NUP210L: variants seen among roughly 807,000 people sequenced by gnomAD.
NUP210L encodes the protein nuclear pore membrane glycoprotein 210-like.
NUP210L carries 74 observed loss-of-function variants against 208.5 expected under a neutral mutation model. That is an observed-to-expected ratio of 0.35 (90% CI 0.29 to 0.43). NUP210L has a LOEUF of 0.43. Among genes scored for constraint, NUP210L ranks in the 20% least tolerant of loss-of-function variants. NUP210L has a pLI of 1.00. For missense variants in NUP210L, 1,843 were observed against 2,289.4 expected (o/e 0.81, Z 3.98); for synonymous variants, 780 against 816.9 (o/e 0.95, Z 0.77).
At chr1:154,053,215 C>T (rs1653623345) in intron 25 of NUP210L, among the ~76,000 whole-genome samples, 1 of 152,214 alleles carries the variant, frequency 6.6e-6, no homozygotes, top group African/African-American at 2.4e-5. Context: ...CTTGAAGGAG[C>T]TGCAGACAGA....
At chr1:154,140,743 G>A (rs1230351714) in intron 4 of NUP210L, among the ~76,000 whole-genome samples, 1 of 151,398 alleles carries the variant, frequency 6.6e-6, no homozygotes. Context: ...AGCACTTTGG[G>A]AGGCCAAAGT....
chr1:154,077,164 C>A (rs1195736209), intron 16 of NUP210L, among the ~76,000 whole-genome samples: 1 of 151,952 alleles, frequency 6.6e-6, no homozygotes, highest in Non-Finnish European at 1.5e-5. Flanking sequence ...TGCCTGAGCT[C>A]AGGAGTTTGA....
chr1:154,030,911 T>C (rs531869983), intron 27 of NUP210L, among the ~76,000 whole-genome samples: 1 of 151,786 alleles, frequency 6.6e-6, no homozygotes, highest in Non-Finnish European at 1.5e-5. Flanking sequence ...CCAGCTAATT[T>C]AAAAAAAATT....
chr1:154,132,125 T>C (rs766178316), intron 7 of NUP210L, among the ~76,000 whole-genome samples: 1 of 152,176 alleles, frequency 6.6e-6, no homozygotes, highest in Non-Finnish European at 1.5e-5. Flanking sequence ...TCTATAATAC[T>C]ACATTTTAAG....
rs5777888 is a variant in NUP210L at position 154,114,761 on chromosome 1, A to AT, written c.1620+2963dup. Among the ~76,000 whole-genome samples, 449 of 126,492 alleles carry AT rather than the reference A, an allele frequency of 3.5e-3. 14 individuals are homozygous for AT. The East Asian group carries it at 0.076, about 21-fold the overall frequency. The allele number at this position is 126,492 out of a possible 152,430, so 83.0% of individuals were successfully genotyped here. ...AGGCATGTGCCACTATGCCTGGTTAATTTTTTTTTTAAGAGATGGGGGGGG... is the reference window on the plus strand; with the variant it reads ...AGGCATGTGCCACTATGCCTGGTTAATTTTTTTTTTTAAGAGATGGGGGGGG... On this transcript the variant is annotated intron_variant, in intron 12 of 39. Coordinates refer to ENST00000368559, the Ensembl canonical transcript of NUP210L.
At chr1:154,096,160 G>A (rs1452512523) in intron 14 of NUP210L, among the ~76,000 whole-genome samples, 1 of 152,074 alleles carries the variant, frequency 6.6e-6, no homozygotes, top group Non-Finnish European at 1.5e-5. Context: ...TGTTCTCATT[G>A]TTCAACTCCC....
At chr1:153,995,223 A>ATTG in intron 37 of NUP210L, 43 bp from the exon 38 acceptor site, 1 of 1,342,500 alleles carries the variant, frequency 7.4e-7, no homozygotes, top group South Asian at 1.2e-5. Context: ...GTTAATAGCA[A>ATTG]CCATGGGCAG....
At chr1:154,110,013 C>G (rs1656963782) in intron 12 of NUP210L, among the ~76,000 whole-genome samples, 1 of 150,994 alleles carries the variant, frequency 6.6e-6, no homozygotes, top group Admixed American at 6.6e-5. Flanking sequence ...GCAGGTGGAT[C>G]ACCTGAGGTC....
chr1:154,056,174 C>G (rs374662061), intron 23 of NUP210L, among the ~76,000 whole-genome samples: 6 of 152,218 alleles, frequency 3.9e-5, no homozygotes, highest in African/African-American at 1.4e-4. Context: ...TTTTAAGAGA[C>G]AGGGTATCAT....
chr1:154,048,239 C>A (rs1653294907), intron 25 of NUP210L, among the ~76,000 whole-genome samples: 1 of 151,976 alleles, frequency 6.6e-6, no homozygotes, highest in Non-Finnish European at 1.5e-5. Context: ...GGACACTGGG[C>A]AAAAAGTAGT....
At chr1:154,091,331 A>C (rs982230380) in intron 15 of NUP210L, among the ~76,000 whole-genome samples, 1 of 151,644 alleles carries the variant, frequency 6.6e-6, no homozygotes, top group Admixed American at 6.6e-5. Flanking sequence ...CCTGGCCTCA[A>C]CTGATCCACC....
At chr1:154,022,274 C>T (rs958145263) in exon 32 of NUP210L, 1 of 1,614,056 alleles carries the variant, frequency 6.2e-7, no homozygotes. Flanking sequence ...CAAGTGTCAG[C>T]CCTCTGTTCA....
intron 16 of NUP210L, among the ~76,000 whole-genome samples, chr1:154,071,963 A>G (rs1036579312): frequency 6.7e-6 from 1 of 148,308 alleles, no homozygotes; most frequent in African/African-American, 2.5e-5. Flanking sequence ...ATGGCTGAGT[A>G]GTATTCCATC....
At chr1:154,010,025 T>C (rs1650812641) in exon 35 of NUP210L, 17 of 1,613,458 alleles carry the variant, frequency 1.1e-5, no homozygotes, top group East Asian at 2.2e-5. Context: ...TGCTGGAATG[T>C]CTAGCAAAGT....
chr1:154,081,750 G>A (rs1309434436), intron 16 of NUP210L, among the ~76,000 whole-genome samples: 1 of 152,190 alleles, frequency 6.6e-6, no homozygotes, highest in Non-Finnish European at 1.5e-5. Context: ...GGGAGGCCGA[G>A]ACAGGAAGAC....
chr1:154,021,102 C>T (rs1291752283), intron 32 of NUP210L, among the ~76,000 whole-genome samples: 1 of 151,220 alleles, frequency 6.6e-6, no homozygotes, highest in African/African-American at 2.4e-5. Context: ...CCACCATGCA[C>T]AGCTAATTTT....
intron 17 of NUP210L, among the ~76,000 whole-genome samples, chr1:154,069,068 T>C (rs1255195238): frequency 1.3e-5 from 2 of 152,166 alleles, no homozygotes; most frequent in Non-Finnish European, 2.9e-5. Flanking sequence ...AAGACTTAAA[T>C]GTTAGACCTA....
chr1:154,013,130 G>A (rs376035358), intron 33 of NUP210L, among the ~76,000 whole-genome samples: 26 of 149,316 alleles, frequency 1.7e-4, no homozygotes, highest in Admixed American at 8.0e-4. Flanking sequence ...ACTCCTGGCC[G>A]CAAGCCATCC....
At chr1:154,106,323 C>T (rs887302664) in intron 12 of NUP210L, among the ~76,000 whole-genome samples, 96 of 152,000 alleles carry the variant, frequency 6.3e-4, no homozygotes, top group Admixed American at 2.7e-3. Context: ...AGCTTGGGTG[C>T]CAGCTTAGTC....
Sources: allele counts gnomAD v4.1 joint callset (sites outside exome capture counted in the v4.1 genomes callset), GRCh38; gene constraint gnomAD v4.1.1; transcripts MANE v1.5; gene names NCBI Gene and HGNC (gene_info 2026-07-23, HGNC 2026-07-21).